The following KCNIP4 variants were observed in gnomAD, a reference collection of about 807,000 sequenced individuals.
The protein encoded by KCNIP4 is Kv channel-interacting protein 4.
A neutral mutation model predicts 34.0 loss-of-function variants in KCNIP4; 12 were observed. That is an observed-to-expected ratio of 0.35 (90% CI 0.23 to 0.57). The LOEUF (loss-of-function observed/expected upper bound fraction) is 0.57. Among genes scored for constraint, KCNIP4 ranks in the 20% least tolerant of loss-of-function variants. The pLI, the probability that KCNIP4 is intolerant of heterozygous loss-of-function variation, is 0.83. For missense variants in KCNIP4, 238 were observed against 311.7 expected (o/e 0.76, Z 1.78); for synonymous variants, 124 against 102.2 (o/e 1.21, Z -1.29).
At chr4:21,906,238 T>A (rs1727995569) in intron 1 of KCNIP4, among the ~76,000 whole-genome samples, 1 of 151,988 alleles carries the variant, frequency 6.6e-6, no homozygotes, top group Non-Finnish European at 1.5e-5. Context: ...TTGGGAAGAG[T>A]CTTTGCAGGT....
At chr4:21,143,374 C>T (rs1490716914) in intron 1 of KCNIP4, among the ~76,000 whole-genome samples, 1 of 152,094 alleles carries the variant, frequency 6.6e-6, no homozygotes, top group East Asian at 1.9e-4. Flanking sequence ...TGGAGAGTGA[C>T]CATTGACCAA....
intron 1 of KCNIP4, among the ~76,000 whole-genome samples, chr4:21,303,366 A>G (rs532843150): frequency 6.6e-6 from 1 of 152,222 alleles, no homozygotes; most frequent in Non-Finnish European, 1.5e-5. Flanking sequence ...CTTAGACCAT[A>G]AGAAATTATG....
At chr4:20,743,310 A>G (rs572070182) in intron 5 of KCNIP4, among the ~76,000 whole-genome samples, 152 of 152,344 alleles carry the variant, frequency 1.0e-3, no homozygotes, top group African/African-American at 3.4e-3. Context: ...CCACATTGCC[A>G]AGTCAATCCT....
intron 1 of KCNIP4, among the ~76,000 whole-genome samples, chr4:21,761,637 CA>C (rs34110194): frequency 0.64 from 96,563 of 150,650 alleles, 32,570 homozygotes; most frequent in African/African-American, 0.82. Flanking sequence ...TACAAAAAAG[CA>C]AAAAAAAACT....
intron 1 of KCNIP4, among the ~76,000 whole-genome samples, chr4:21,944,373 A>G (rs1426731490): frequency 6.6e-6 from 1 of 151,852 alleles, no homozygotes; most frequent in Admixed American, 6.6e-5. Flanking sequence ...GTGAAACGCC[A>G]TCTCTACTAA....
intron 1 of KCNIP4, among the ~76,000 whole-genome samples, chr4:21,497,254 T>C (rs1015368395): frequency 6.6e-6 from 1 of 152,172 alleles, no homozygotes; most frequent in Non-Finnish European, 1.5e-5. Context: ...AAGATTGATA[T>C]AGTGCACACA....
At chr4:21,661,036 C>G (rs1748409352) in intron 1 of KCNIP4, among the ~76,000 whole-genome samples, 1 of 152,012 alleles carries the variant, frequency 6.6e-6, no homozygotes, top group South Asian at 2.1e-4. Flanking sequence ...AAACCCCAAG[C>G]TCCATAGGCA....
chr4:21,087,650 C>G (rs991954959), intron 1 of KCNIP4, among the ~76,000 whole-genome samples: 7 of 152,136 alleles, frequency 4.6e-5, no homozygotes, highest in Non-Finnish European at 1.0e-4. Flanking sequence ...CACTTGCTGT[C>G]TGCATTTTCT....
intron 2 of KCNIP4, among the ~76,000 whole-genome samples, chr4:20,857,010 G>T (rs1399592146): frequency 2.0e-5 from 3 of 149,920 alleles, no homozygotes; most frequent in African/African-American, 7.4e-5. Context: ...GTATAATTAA[G>T]TGTGCGTGAT....
intron 1 of KCNIP4, among the ~76,000 whole-genome samples, chr4:21,898,150 C>G (rs1042448998): frequency 2.0e-5 from 3 of 152,092 alleles, no homozygotes; most frequent in African/African-American, 7.2e-5. Context: ...CAAGCCTTGC[C>G]ACCATGAGCT....
intron 1 of KCNIP4, among the ~76,000 whole-genome samples, chr4:20,894,249 G>A (rs971539454): frequency 9.2e-5 from 14 of 152,102 alleles, no homozygotes; most frequent in Admixed American, 3.3e-4. Context: ...CTTTAATATC[G>A]GAAAGCAAGC....
chr4:20,941,668 A>AT (rs1419851306), intron 1 of KCNIP4, among the ~76,000 whole-genome samples: 1 of 152,230 alleles, frequency 6.6e-6, no homozygotes, highest in African/African-American at 2.4e-5. Flanking sequence ...AAGGTTAACT[A>AT]TTTTAAAAAA....
intron 1 of KCNIP4, among the ~76,000 whole-genome samples, chr4:21,202,032 G>A (rs1756535913): frequency 6.6e-6 from 1 of 152,228 alleles, no homozygotes; most frequent in African/African-American, 2.4e-5. Context: ...ATGTGAATTA[G>A]TTCAGCCCCT....
At chr4:21,130,498 C>T (rs1435925126) in intron 1 of KCNIP4, among the ~76,000 whole-genome samples, 4 of 152,142 alleles carry the variant, frequency 2.6e-5, no homozygotes, top group Non-Finnish European at 4.4e-5. Flanking sequence ...TTTCTCTGTG[C>T]TTCATGCTAA....
At chr4:21,025,846 C>T (rs1268255022) in intron 1 of KCNIP4, among the ~76,000 whole-genome samples, 1 of 152,060 alleles carries the variant, frequency 6.6e-6, no homozygotes, top group South Asian at 2.1e-4. Flanking sequence ...TGAGCCACTG[C>T]ACCCGGCCTG....
chr4:21,756,362 T>C (rs914227510), intron 1 of KCNIP4, among the ~76,000 whole-genome samples: 1 of 152,020 alleles, frequency 6.6e-6, no homozygotes, highest in Non-Finnish European at 1.5e-5. Flanking sequence ...GAGTCCAGCC[T>C]GGCCAACATG....
At chr4:21,809,301 C>T (rs1051371387) in intron 1 of KCNIP4, among the ~76,000 whole-genome samples, 2 of 152,150 alleles carry the variant, frequency 1.3e-5, no homozygotes, top group South Asian at 2.1e-4. Flanking sequence ...GACACCACAG[C>T]TCCTCATTAT....
chr4:21,207,488 C>T (rs1009178480), intron 1 of KCNIP4, among the ~76,000 whole-genome samples: 2 of 152,134 alleles, frequency 1.3e-5, no homozygotes, highest in Non-Finnish European at 2.9e-5. Context: ...GAAACACACA[C>T]TTATGTACAT....
intron 1 of KCNIP4, among the ~76,000 whole-genome samples, chr4:21,377,871 C>T (rs1162784210): frequency 1.3e-5 from 2 of 152,150 alleles, no homozygotes; most frequent in African/African-American, 2.4e-5. Flanking sequence ...AGCTCATATT[C>T]CTGACATTCG....
Sources: allele counts gnomAD v4.1 joint callset (sites outside exome capture counted in the v4.1 genomes callset), GRCh38; gene constraint gnomAD v4.1.1; transcripts MANE v1.5; gene names NCBI Gene and HGNC (gene_info 2026-07-23, HGNC 2026-07-21).